The following EDARADD variants were observed in gnomAD, a reference collection of about 807,000 sequenced individuals.
EDARADD encodes the protein EDAR associated via death domain.
EDARADD carries 20 observed loss-of-function variants against 25.6 expected under a neutral mutation model. The ratio of observed to expected loss-of-function variants is 0.78; its 90% CI spans 0.55 to 1.14. The LOEUF (loss-of-function observed/expected upper bound fraction) is 1.14, where lower values mean the gene tolerates loss of function less well. Among genes scored for constraint, EDARADD ranks in the 50% most tolerant of loss-of-function variants. EDARADD has a pLI of 0.00. For missense variants in EDARADD, 225 were observed against 270.1 expected, an observed-to-expected ratio of 0.83 and a Z score of 1.17; for synonymous variants, 86 against 94.4, an observed-to-expected ratio of 0.91 and a Z score of 0.52.
rs1308435394 is a variant in EDARADD at position 236,427,524 on chromosome 1, G to GT, written c.219+78dup. 3 of 1,370,958 alleles carry GT rather than the reference G, an allele frequency of 2.2e-6. No individual in the cohort carries two copies. The East Asian group carries it at 6.9e-5, about 32-fold the overall frequency. 84.9% of individuals were successfully genotyped at this position (1,370,958 alleles called of 1,614,324 possible). The stretch of plus-strand genomic sequence containing the variant: ...CCTAAAATTTTTTGAGATTTATAGA[G>GT]TTTTACAAATAAAAAATGAAAAACA... On this transcript the variant is annotated intron_variant, in intron 4 of 5. Transcript: ENST00000334232.
At chr1:236,363,676 G>A (rs1254822849) in intron 3 of EDARADD, among the ~76,000 whole-genome samples, 2 of 151,984 alleles carry the variant, frequency 1.3e-5, no homozygotes, top group Non-Finnish European at 2.9e-5. Flanking sequence ...TTACAGGCAT[G>A]AGCCACCACA....
chr1:236,450,524 A>C (rs1042634812), intron 4 of EDARADD, among the ~76,000 whole-genome samples: 45 of 151,746 alleles, frequency 3.0e-4, no homozygotes, highest in Non-Finnish European at 1.3e-4. Flanking sequence ...GTGCTGTTCT[A>C]AGGACTTCCC....
At chr1:236,477,689 G>A (rs968137602) in intron 5 of EDARADD, among the ~76,000 whole-genome samples, 3 of 152,050 alleles carry the variant, frequency 2.0e-5, no homozygotes, top group Non-Finnish European at 2.9e-5. Context: ...AAGGCGTTCT[G>A]ATCATGAAGG....
intron 2 of EDARADD, among the ~76,000 whole-genome samples, chr1:236,413,235 G>T (rs911477291): frequency 2.0e-5 from 3 of 152,202 alleles, no homozygotes; most frequent in Admixed American, 6.5e-5. Context: ...AGAATGATGA[G>T]AACTAATTTG....
chr1:236,409,613 G>A (rs745885638), intron 2 of EDARADD, among the ~76,000 whole-genome samples: 4 of 151,922 alleles, frequency 2.6e-5, no homozygotes, highest in Non-Finnish European at 5.9e-5. Context: ...CCAGGCTGGA[G>A]TGCAGTGGCG....
intron 3 of EDARADD, among the ~76,000 whole-genome samples, chr1:236,372,791 T>A (rs1667186663): frequency 1.3e-5 from 2 of 152,208 alleles, no homozygotes; most frequent in South Asian, 4.1e-4. Context: ...TTTGGTATAG[T>A]ATTTATTTAA....
intron 4 of EDARADD, among the ~76,000 whole-genome samples, chr1:236,435,011 G>C (rs1228881493): frequency 2.6e-5 from 4 of 152,186 alleles, no homozygotes; most frequent in Non-Finnish European, 5.9e-5. Flanking sequence ...ATAAAGGTGT[G>C]TGGAGTTTGG....
chr1:236,359,313 T>C (rs993045231), intron 3 of EDARADD, among the ~76,000 whole-genome samples: 3 of 152,160 alleles, frequency 2.0e-5, no homozygotes, highest in Non-Finnish European at 4.4e-5. Context: ...AATTGGAATG[T>C]TTAGGGAGGT....
chr1:236,428,125 T>G (rs2996458), intron 4 of EDARADD, among the ~76,000 whole-genome samples: 3 of 151,702 alleles, frequency 2.0e-5, no homozygotes, highest in Non-Finnish European at 4.4e-5. Context: ...TGCCGCCTTC[T>G]GCAGTGTTTG....
intron 3 of EDARADD, among the ~76,000 whole-genome samples, chr1:236,426,282 T>C (rs1424531628): frequency 2.0e-5 from 3 of 152,204 alleles, no homozygotes; most frequent in South Asian, 2.1e-4. Context: ...CTGGCTATCA[T>C]GCCAGTTGTT....
chr1:236,453,839 A>G (rs1037355619), intron 4 of EDARADD, among the ~76,000 whole-genome samples: 3 of 152,186 alleles, frequency 2.0e-5, no homozygotes, highest in African/African-American at 2.4e-5. Context: ...GGGACACATG[A>G]CTGTAATTGA....
intron 3 of EDARADD, among the ~76,000 whole-genome samples, chr1:236,371,916 A>G (rs1301074028): frequency 6.6e-6 from 1 of 151,236 alleles, no homozygotes; most frequent in Non-Finnish European, 1.5e-5. Flanking sequence ...CTCTATTCCT[A>G]CCTTGCTAAG....
chr1:236,454,391 C>T (rs113991433), intron 4 of EDARADD, among the ~76,000 whole-genome samples: 5,538 of 152,184 alleles, frequency 0.036, 319 homozygotes, highest in African/African-American at 0.13. Flanking sequence ...TGTCTTTGAC[C>T]CCTCACACAC....
intron 3 of EDARADD, among the ~76,000 whole-genome samples, chr1:236,381,052 G>A (rs764238229): frequency 6.6e-6 from 1 of 152,150 alleles, no homozygotes; most frequent in Non-Finnish European, 1.5e-5. Flanking sequence ...TTACTCATCT[G>A]CCTTTGTAAT....
intron 1 of EDARADD, among the ~76,000 whole-genome samples, chr1:236,396,222 A>C (rs1667513376): frequency 6.6e-6 from 1 of 152,020 alleles, no homozygotes; most frequent in South Asian, 2.1e-4. Flanking sequence ...AATGGCCTCT[A>C]GTTCTGTCTT....
intron 3 of EDARADD, among the ~76,000 whole-genome samples, chr1:236,424,456 C>T (rs1473781649): frequency 6.6e-6 from 1 of 152,100 alleles, no homozygotes; most frequent in East Asian, 1.9e-4. Flanking sequence ...AGCCACCACA[C>T]CCAACCTGTC....
intron 3 of EDARADD, among the ~76,000 whole-genome samples, 194 bp downstream of exon 3, chr1:236,414,493 T>G (rs1259199576): frequency 6.6e-6 from 1 of 152,212 alleles, no homozygotes; most frequent in Non-Finnish European, 1.5e-5. Context: ...AACCTTGCAA[T>G]AGAAATGAAT....
At chr1:236,434,299 G>T (rs1423193854) in intron 4 of EDARADD, among the ~76,000 whole-genome samples, 1 of 151,834 alleles carries the variant, frequency 6.6e-6, no homozygotes, top group Non-Finnish European at 1.5e-5. Context: ...GTGCGGTGGT[G>T]TGATCTCAGC....
chr1:236,428,407 T>C (rs1337307509), intron 4 of EDARADD, among the ~76,000 whole-genome samples: 1 of 152,198 alleles, frequency 6.6e-6, no homozygotes, highest in Non-Finnish European at 1.5e-5. Flanking sequence ...GATCTCTCTT[T>C]CTTTTCCCCA....
Sources: allele counts gnomAD v4.1 joint callset (sites outside exome capture counted in the v4.1 genomes callset), GRCh38; gene constraint gnomAD v4.1.1; transcripts MANE v1.5; gene names NCBI Gene and HGNC (gene_info 2026-07-23, HGNC 2026-07-21).